The following HBS1L variants were observed in gnomAD, a reference collection of about 807,000 sequenced individuals.
The protein encoded by HBS1L is HBS1-like protein.
HBS1L carries 55 observed loss-of-function variants against 88.9 expected under a neutral mutation model. The ratio of observed to expected loss-of-function variants is 0.62; its 90% confidence interval spans 0.50 to 0.77. The LOEUF is 0.77. Ranked by LOEUF, HBS1L falls within the 30% of genes least tolerant of loss-of-function variation. The pLI is 0.00. For synonymous variants in HBS1L, 267 were observed against 288.5 expected, an observed-to-expected ratio of 0.93 and a Z score of 0.76; for missense variants, 741 against 829.3, an observed-to-expected ratio of 0.89 and a Z score of 1.31.
intron 2 of HBS1L, among the ~76,000 whole-genome samples, chr6:135,046,931 ACTG>A (rs144097544): frequency 0.014 from 2,137 of 152,310 alleles, 65 homozygotes; most frequent in African/African-American, 0.048. Flanking sequence ...ATCTGATGTT[ACTG>A]CTATTTTAAA....
chr6:135,028,301 G>A lies in HBS1L; in HGVS notation c.430+11272C>T, dbSNP rs536407812. The stretch of plus-strand genomic sequence containing the variant: ...AAATGCTGGGCAGAGAGAAAGGGGA[G>A]ACTAGAGGAGAGAAAACCATACTGA... On this transcript the variant is annotated intron_variant, in intron 4 of 17. Transcript: ENST00000367837. Among the ~76,000 whole-genome samples the A allele has an allele frequency of 4.7e-5, 7 of 150,110 alleles. 1 individual carries two copies. In the East Asian group the frequency reaches 7.7e-4, roughly 17 times the overall value.
At position 134,996,791 on chromosome 6, in the gene HBS1L, G is replaced by T; in HGVS notation, c.951C>A (p.Gly317=). ...FAYAWVLDET[G]EERERGVTMD... is the part of the protein sequence containing the mutation. Reference sequence around the variant, plus strand: ...ATAGTGACTACCTTTCCCTTTCTTCGCCAGTTTCATCCAAGACCCATGCAT... The same window carrying T: ...ATAGTGACTACCTTTCCCTTTCTTCTCCAGTTTCATCCAAGACCCATGCAT... Residue 317 remains glycine (G), a synonymous_variant, in exon 7 of 18, where the codon GGC becomes GGA. Transcript: ENST00000367837. 1 of 1,588,150 alleles carries T rather than the reference G, an allele frequency of 6.3e-7. No homozygotes were observed.
At chr6:134,986,843 C>T in intron 9 of HBS1L, 33 bp from the exon 10 acceptor site, 1 of 1,149,618 alleles carries the variant, frequency 8.7e-7, no homozygotes, top group Non-Finnish European at 1.2e-6. Flanking sequence ...TTAAAACTAT[C>T]CTTCAGAACA....
intron 7 of HBS1L, among the ~76,000 whole-genome samples, chr6:134,994,207 A>T (rs1227466418): frequency 1.3e-5 from 2 of 152,146 alleles, no homozygotes; most frequent in Non-Finnish European, 2.9e-5. Context: ...AAAATACTGC[A>T]TATGAGAAAA....
chr6:134,997,467 CT>C lies in HBS1L; in HGVS notation c.728del (p.Gln243ArgfsTer3). On this transcript the variant is annotated frameshift_variant, in exon 6 of 18. Coordinates refer to ENST00000367837, the MANE Select transcript of HBS1L (RefSeq NM_006620.4). LOFTEE classifies it high-confidence loss of function. The part of the protein sequence containing the change: ...APVKKSGKLR[Q>X]QIDVKAELEK... ...CCAGTTCCGCCTTCACATCTATTTG[CT>C]GCCTCAGCTTGCCAGACTTTTTCAC... 3.7e-6 allele frequency: 6 copies of C among 1,614,082 alleles called. No homozygotes were observed. The highest frequency in any genetic ancestry group is 5.1e-6 in the Non-Finnish European group (6 of 1,179,986).
intron 4 of HBS1L, among the ~76,000 whole-genome samples, chr6:135,030,383 A>C (rs373053735): frequency 8.4e-4 from 128 of 152,246 alleles, no homozygotes; most frequent in African/African-American, 2.9e-3. Flanking sequence ...CAATTCAAAC[A>C]GTGATTAGCC....
chr6:134,969,151 C>T, intron 16 of HBS1L, 87 bp downstream of exon 16: 2 of 852,322 alleles, frequency 2.3e-6, no homozygotes, highest in Non-Finnish European at 3.9e-6. Flanking sequence ...TTTCACTTAC[C>T]ACAAAGAGAA....
intron 4 of HBS1L, chr6:135,036,953 C>A (rs1039354087): frequency 6.4e-7 from 1 of 1,551,436 alleles, no homozygotes. Flanking sequence ...GGCTTTGGAA[C>A]AAAATCTGGG....
At chr6:135,041,754 T>G (rs915682138) in intron 3 of HBS1L, among the ~76,000 whole-genome samples, 1 of 152,190 alleles carries the variant, frequency 6.6e-6, no homozygotes, top group African/African-American at 2.4e-5. Context: ...GGAAAAAAAT[T>G]TTAAATGGGA....
chr6:135,016,224 T>C (rs1023863448), intron 4 of HBS1L, among the ~76,000 whole-genome samples: 2 of 152,206 alleles, frequency 1.3e-5, no homozygotes, highest in Non-Finnish European at 2.9e-5. Flanking sequence ...ATCACGATTT[T>C]GTGAGTTTAA....
intron 5 of HBS1L, among the ~76,000 whole-genome samples, chr6:134,999,603 A>T (rs1775392218): frequency 6.6e-6 from 1 of 151,738 alleles, no homozygotes; most frequent in African/African-American, 2.4e-5. Flanking sequence ...GCTGGCCACT[A>T]CACCCGGATA....
chr6:135,016,356 G>A (rs77606137), intron 4 of HBS1L, among the ~76,000 whole-genome samples: 1,890 of 152,278 alleles, frequency 0.012, 32 homozygotes, highest in African/African-American at 0.043. Context: ...CATAGTTAAA[G>A]CCTAGCAGTT....
chr6:135,040,856 A>G (rs1776713106), intron 3 of HBS1L, among the ~76,000 whole-genome samples: 1 of 152,184 alleles, frequency 6.6e-6, no homozygotes. Flanking sequence ...AATAAAAATG[A>G]ATGATATATT....
In HBS1L at chr6:134,962,720, A is replaced by G. The variant is rs1233407875; in HGVS notation, c.*2559T>C. The stretch of plus-strand genomic sequence containing the variant: ...GCCATTAGTGTGAAGAAACAGTAAA[A>G]TCATAAAAAAGAAGACAGTCAGGAC... On this transcript the variant is annotated 3_prime_UTR_variant, in exon 18 of 18. Transcript: ENST00000367837. 6.6e-6 allele frequency: 1 copy of G among 152,266 alleles called. No individual in the cohort carries two copies. Among genetic ancestry groups the G allele is most frequent in the Non-Finnish European group, 1.5e-5 (1 of 68,058 alleles). 9.4% of individuals were successfully genotyped at this position (152,266 alleles called of 1,614,324 possible).
intron 4 of HBS1L, among the ~76,000 whole-genome samples, chr6:135,022,033 C>G (rs977529781): frequency 6.6e-5 from 10 of 152,004 alleles, no homozygotes; most frequent in African/African-American, 2.4e-4. Flanking sequence ...GAGACCTAGC[C>G]CCTTACGAGC....
intron 5 of HBS1L, among the ~76,000 whole-genome samples, chr6:135,000,440 T>TATAGATTAAA (rs1292894906): frequency 6.6e-6 from 1 of 151,704 alleles, no homozygotes. Flanking sequence ...TATACATGAA[T>TATAGATTAAA]CTAGAGGTTT....
intron 16 of HBS1L, 55 bp from the exon 17 acceptor site, chr6:134,966,528 T>C (rs1171571894): frequency 1.7e-6 from 2 of 1,159,334 alleles, no homozygotes; most frequent in Non-Finnish European, 2.4e-6. Context: ...ATAAATGTAA[T>C]AATAACAACT....
At chr6:135,042,283 A>T (rs1431585525) in intron 2 of HBS1L, among the ~76,000 whole-genome samples, 157 bp from the exon 3 acceptor site, 4 of 152,168 alleles carry the variant, frequency 2.6e-5, no homozygotes, top group African/African-American at 9.7e-5. Context: ...ATATCAAAAC[A>T]TATACCTAAA....
At chr6:134,967,356 T>C (rs569945202) in intron 16 of HBS1L, among the ~76,000 whole-genome samples, 1 of 152,296 alleles carries the variant, frequency 6.6e-6, no homozygotes, top group South Asian at 2.1e-4. Context: ...ATTCCAAATA[T>C]TGGTTTTGGA....
Sources: allele counts gnomAD v4.1 joint callset (sites outside exome capture counted in the v4.1 genomes callset), GRCh38; gene constraint gnomAD v4.1.1; transcripts MANE v1.5; gene names NCBI Gene and HGNC (gene_info 2026-07-23, HGNC 2026-07-21).